The following CLPX variants were observed in gnomAD, a reference collection of about 807,000 sequenced individuals.
CLPX encodes the protein ATP-dependent clpX-like chaperone, mitochondrial.
In CLPX, 34 loss-of-function variants were observed where a neutral mutation model predicts 76.4. The observed-to-expected ratio is 0.45, with a 90% CI of 0.34 to 0.59. CLPX has a LOEUF of 0.59. Ranked by LOEUF, CLPX falls within the 20% of genes least tolerant of loss-of-function variation. The probability of loss-of-function intolerance (pLI) is 0.01; values close to 1 mark genes in which losing one functional copy is unlikely to be tolerated. For missense variants in CLPX, 613 were observed against 757.0 expected (o/e 0.81, Z 2.23); for synonymous variants, 248 against 270.9 (o/e 0.92, Z 0.83).
chr15:65,177,067 T>C (rs1047191258), intron 3 of CLPX, among the ~76,000 whole-genome samples: 1 of 151,976 alleles, frequency 6.6e-6, no homozygotes, highest in Non-Finnish European at 1.5e-5. Context: ...TATCATCCAG[T>C]TCTACCTTTT....
At chr15:65,164,264 G>T in intron 4 of CLPX, 76 bp from the exon 5 acceptor site, 2 of 1,190,334 alleles carry the variant, frequency 1.7e-6, no homozygotes, top group Non-Finnish European at 2.4e-6. Context: ...TATTTACTAA[G>T]CATATTTGCT....
chr15:65,170,824 T>TTTC (rs1555413491), intron 3 of CLPX, among the ~76,000 whole-genome samples: 1 of 138,442 alleles, frequency 7.2e-6, no homozygotes, highest in Non-Finnish European at 1.6e-5. Flanking sequence ...CTGTTCTTCT[T>TTTC]TTTTTTTTTT....
intron 6 of CLPX, among the ~76,000 whole-genome samples, chr15:65,160,298 C>A (rs2140621931): frequency 6.6e-6 from 1 of 152,218 alleles, no homozygotes; most frequent in South Asian, 2.1e-4. Context: ...AAACAATAAG[C>A]ATTCCATAAA....
At chr15:65,178,839 T>A in intron 3 of CLPX, 95 bp downstream of exon 3, 1 of 681,256 alleles carries the variant, frequency 1.5e-6, no homozygotes, top group Non-Finnish European at 2.4e-6. Flanking sequence ...ACCTGGCCTA[T>A]ATTTATACAT....
rs1399162367 is a variant in CLPX at position 65,165,415 on chromosome 15, G to GCTC, written c.513+1213_513+1215dup. Among the ~76,000 whole-genome samples the GCTC allele has an allele frequency of 8.1e-5, 9 of 111,148 alleles. No individual in the cohort carries two copies. In the East Asian group the frequency reaches 2.3e-3, roughly 29 times the overall value. 72.9% of individuals were successfully genotyped at this position (111,148 alleles called of 152,430 possible). On this transcript the variant is annotated intron_variant, in intron 4 of 13. Transcript: ENST00000300107. ...TTTTTTTTTTTTGAGACGGAGTCTC[G>GCTC]CTCTTTCACCCAGGCTGGAGTGCAG...
chr15:65,175,115 G>A lies in CLPX; in HGVS notation c.358+3819C>T, dbSNP rs140287409. ...AAAAAGTAGACAATTACTTAAACAGGCCATTCACAAAAGAATTACAACTGA... is the reference window on the plus strand; with the variant it reads ...AAAAAGTAGACAATTACTTAAACAGACCATTCACAAAAGAATTACAACTGA... On this transcript the variant is annotated intron_variant, in intron 3 of 13. Coordinates refer to ENST00000300107, the MANE Select transcript of CLPX (RefSeq NM_006660.5). Among the ~76,000 whole-genome samples the A allele has an allele frequency of 2.6e-3, 403 of 152,138 alleles. 3 individuals are homozygous for A. Among genetic ancestry groups the A allele is most frequent in the Non-Finnish European group, 4.2e-3 (287 of 68,006 alleles).
At chr15:65,181,225 T>A (rs765753437) in intron 1 of CLPX, among the ~76,000 whole-genome samples, 3 of 151,402 alleles carry the variant, frequency 2.0e-5, no homozygotes, top group Non-Finnish European at 4.4e-5. Context: ...CTTTAAAAAA[T>A]TGTGTTATTC....
Position 65,153,614 on chromosome 15 carries a change from G to A in CLPX, c.1637C>T (p.Ala546Val). Residue 546 changes from alanine to valine, a missense_variant, in exon 12 of 14, where the codon GCT (alanine) becomes GTT (valine). Coordinates refer to ENST00000300107, the MANE Select transcript of CLPX (RefSeq NM_006660.5). ...DKCELNVTED[A>V]LKAIARLALE... ...TGCCAATCTGGCTATAGCTTTCAAA[G>A]CATCCTCAGTAACATTCAGTTCACA... 6.3e-7 allele frequency: 1 copy of A among 1,586,550 alleles called. No homozygotes were observed. Among genetic ancestry groups the A allele is most frequent in the Non-Finnish European group, 8.6e-7 (1 of 1,168,182 alleles).
chr15:65,171,471 A>C (rs1312941938), intron 3 of CLPX, among the ~76,000 whole-genome samples: 1 of 152,128 alleles, frequency 6.6e-6, no homozygotes, highest in African/African-American at 2.4e-5. Context: ...CATTTCGGAT[A>C]AATTCTATTA....
rs138642448 is a variant in CLPX, at chr15:65,163,062, G to C, written c.674-417C>G. 3.8e-3 allele frequency among the ~76,000 whole-genome samples: 583 copies of C among 152,114 alleles called. 2 individuals carry two copies. The highest frequency in any genetic ancestry group is 9.9e-3 in the Admixed American group (152 of 15,278). The stretch of plus-strand genomic sequence containing the variant: ...TAAAAATGAAGATTTCAGGCCAGGC[G>C]CAAGAGTTCACGCCTATTAATCCCA... On this transcript the variant is annotated intron_variant, in intron 5 of 13. Coordinates refer to ENST00000300107, the MANE Select transcript of CLPX (RefSeq NM_006660.5).
chr15:65,164,545 T>C (rs1387212636), intron 4 of CLPX, among the ~76,000 whole-genome samples: 1 of 152,158 alleles, frequency 6.6e-6, no homozygotes, highest in East Asian at 1.9e-4. Flanking sequence ...TCAACATTAA[T>C]GTAAATCATT....
At chr15:65,173,742 T>C (rs1009548537) in intron 3 of CLPX, among the ~76,000 whole-genome samples, 2 of 152,204 alleles carry the variant, frequency 1.3e-5, no homozygotes, top group East Asian at 1.9e-4. Context: ...GGATAAACTT[T>C]AAAAACATGC....
At chr15:65,165,607 G>A (rs909744420) in intron 4 of CLPX, among the ~76,000 whole-genome samples, 57 of 151,448 alleles carry the variant, frequency 3.8e-4, no homozygotes, top group African/African-American at 1.1e-3. Context: ...GGATGGTCTC[G>A]ATCTCCTGAC....
At position 65,150,579 on chromosome 15, in the gene CLPX, A is replaced by G. The variant is rs2087706855; in HGVS notation, c.*244T>C. ...TGTTAAAGCATATTTTTTTTAAAAA[A>G]CTGAACCAAAATAATGTACATTTTA... On this transcript the variant is annotated 3_prime_UTR_variant, in exon 14 of 14. Transcript: ENST00000300107. The G allele has an allele frequency of 9.7e-6, 3 of 308,846 alleles. No homozygotes were observed. In the East Asian group the frequency reaches 1.6e-4, roughly 16 times the overall value. The allele number at this position is 308,846 out of a possible 1,614,324, so 19.1% of individuals were successfully genotyped here.
intron 7 of CLPX, 60 bp downstream of exon 7, chr15:65,158,515 A>G (rs2087817547): frequency 7.2e-7 from 1 of 1,391,940 alleles, no homozygotes; most frequent in Admixed American, 1.9e-5. Context: ...TACAGGTTAT[A>G]GAATCATTTA....
rs568584791 is a variant in CLPX, at chr15:65,174,867, G to A, written c.358+4067C>T. Among the ~76,000 whole-genome samples the A allele has an allele frequency of 3.9e-5, 6 of 152,204 alleles. No homozygotes were observed. The South Asian group carries it at 6.2e-4, about 16-fold the overall frequency. ...CCTGAGCAATTCAAACCCACTGTTC[G>A]GGAGTCAACTGCATTAACATACACA... On this transcript the variant is annotated intron_variant, in intron 3 of 13. Coordinates refer to ENST00000300107, the MANE Select transcript of CLPX (RefSeq NM_006660.5).
intron 3 of CLPX, among the ~76,000 whole-genome samples, chr15:65,168,561 A>C (rs1411604630): frequency 2.2e-5 from 3 of 134,598 alleles, no homozygotes; most frequent in African/African-American, 8.4e-5. Flanking sequence ...GAACACTTGG[A>C]CACAGGGTGG....
chr15:65,152,075 G>A (rs1207531005), intron 13 of CLPX, among the ~76,000 whole-genome samples: 8 of 151,916 alleles, frequency 5.3e-5, no homozygotes, highest in African/African-American at 1.9e-4. Flanking sequence ...GACTACAGAC[G>A]CACACCACCA....
Position 65,150,709 on chromosome 15 carries a change from AC to A in CLPX, c.*113del, listed in dbSNP as rs1202125630. 5.1e-6 allele frequency: 3 copies of A among 588,076 alleles called. No homozygotes were observed. Among genetic ancestry groups the A allele is most frequent in the Non-Finnish European group, 8.7e-6 (3 of 343,788 alleles). 36.4% of individuals were successfully genotyped at this position (588,076 alleles called of 1,614,324 possible). On this transcript the variant is annotated 3_prime_UTR_variant, in exon 14 of 14. Coordinates refer to ENST00000300107, the MANE Select transcript of CLPX (RefSeq NM_006660.5). ...GATTCTTCTCCTAAAGGCTTCTCTG[AC>A]CATGTATGATATCCAAGATAGATCC...
Sources: gnomAD v4.1 joint callset for allele counts (sites outside exome capture counted in the v4.1 genomes callset) on GRCh38, gnomAD v4.1.1 for gene constraint, MANE v1.5 for transcripts, NCBI Gene and HGNC (gene_info 2026-07-23, HGNC 2026-07-21) for gene names.